The following CATSPERB variants were observed in gnomAD, a reference collection of about 807,000 sequenced individuals.
CATSPERB encodes the protein catsper channel auxiliary subunit beta.
A neutral mutation model predicts 128.3 loss-of-function variants in CATSPERB; 93 were observed. The observed-to-expected ratio is 0.72, with a 90% CI of 0.61 to 0.86. CATSPERB has a LOEUF of 0.86. CATSPERB is among the 40% of genes least tolerant of loss of function. The pLI is 0.00. For synonymous variants in CATSPERB, 381 were observed against 448.8 expected (o/e 0.85, Z 1.91); for missense variants, 1,153 against 1,329.5 (o/e 0.87, Z 2.06).
chr14:91,593,731 T>C (rs1258866640), intron 22 of CATSPERB, among the ~76,000 whole-genome samples: 2 of 152,160 alleles, frequency 1.3e-5, no homozygotes, highest in East Asian at 3.8e-4. Context: ...GTTAAGACTT[T>C]AGGGAAGTGT....
intron 18 of CATSPERB, 53 bp downstream of exon 18, chr14:91,624,767 T>C: frequency 1.1e-5 from 15 of 1,343,338 alleles, no homozygotes; most frequent in Non-Finnish European, 1.5e-5. Context: ...TCACAAAAGA[T>C]AATTTTTCAT....
chr14:91,611,430 T>G (rs891916063), intron 20 of CATSPERB, among the ~76,000 whole-genome samples: 1 of 152,082 alleles, frequency 6.6e-6, no homozygotes, highest in African/African-American at 2.4e-5. Flanking sequence ...GCCAACATGG[T>G]GAAACCCCAC....
chr14:91,593,307 G>C (rs903297628), intron 22 of CATSPERB, among the ~76,000 whole-genome samples: 9 of 152,318 alleles, frequency 5.9e-5, no homozygotes, highest in Admixed American at 1.3e-4. Flanking sequence ...CCCCAGAATG[G>C]TAAATCCACT....
At chr14:91,729,579 A>G (rs1896179904) in intron 1 of CATSPERB, 100 bp from the exon 2 acceptor site, 4 of 556,684 alleles carry the variant, frequency 7.2e-6, no homozygotes, top group Non-Finnish European at 1.2e-5. Context: ...AATAATCTCA[A>G]TATTCTTAAT....
At position 91,719,447 on chromosome 14, in the gene CATSPERB, A is replaced by G; in HGVS notation, c.341T>C (p.Ile114Thr). Residue 114 changes from isoleucine to threonine, a missense_variant, in exon 5 of 27, where the codon ATT (isoleucine) becomes ACT (threonine). Physicochemically the swap from Ile to Thr is moderately conservative, Grantham distance 89 (BLOSUM62 -1). Coordinates refer to ENST00000256343, the MANE Select transcript of CATSPERB (RefSeq NM_024764.4). ...FSDRILWLVD[I>T]PRENITQSTD... ...GCTTTGTGTGATGTTTTCTCTAGGAATATCAACCAACCACAAAATCCGATC... is the reference window on the plus strand; with the variant it reads ...GCTTTGTGTGATGTTTTCTCTAGGAGTATCAACCAACCACAAAATCCGATC... 6.2e-7 allele frequency: 1 copy of G among 1,612,190 alleles called. No individual in the cohort carries two copies. Among genetic ancestry groups the G allele is most frequent in the Non-Finnish European group, 8.5e-7 (1 of 1,179,042 alleles).
Position 91,723,166 on chromosome 14 carries a change from A to T in CATSPERB, c.192T>A (p.Thr64=), listed in dbSNP as rs763001049. 5 of 1,497,256 alleles carry T rather than the reference A, an allele frequency of 3.3e-6. No homozygotes were observed. The East Asian group carries it at 1.2e-4, about 37-fold the overall frequency. 92.7% of individuals were successfully genotyped at this position (1,497,256 alleles called of 1,614,324 possible). A position where few individuals can be genotyped will look rare whatever the true frequency, so the allele number is the denominator to read the frequency against. The change falls in exon 4 of 27, where the codon ACT becomes ACA. Residue 64 remains threonine (T), a synonymous_variant. Transcript: ENST00000256343. ...TTGCTTTTGATGCAATTTCATTTTCAGTTTGGAAGAAACACTGGATTTTCT... is the reference window on the plus strand; with the variant it reads ...TTGCTTTTGATGCAATTTCATTTTCTGTTTGGAAGAAACACTGGATTTTCT... ...ENLKIQCFFQ[T]ENEIASKAML...
intron 24 of CATSPERB, 131 bp from the exon 25 acceptor site, chr14:91,588,209 T>C (rs1893337492): frequency 4.8e-6 from 3 of 625,208 alleles, no homozygotes; most frequent in Admixed American, 5.8e-5. Context: ...ATTACTAATA[T>C]AAAATTTGTC....
chr14:91,610,477 TACCGG>T lies in CATSPERB; in HGVS notation c.2596_2598+2del. 1.3e-5 allele frequency: 21 copies of T among 1,608,202 alleles called. No homozygotes were observed. In the Admixed American group the frequency reaches 1.4e-4, roughly 10 times the overall value. The stretch of plus-strand genomic sequence containing the variant: ...ACCAATATACTTAGATTTTTTTTTT[TACCGG>T]CAAAGTTTTGATGAGGTTAAAACCC... On this transcript the variant is annotated splice_donor_variant and coding_sequence_variant, in exon 21 of 27. Transcript: ENST00000256343. LOFTEE classifies it high-confidence loss of function.
At chr14:91,623,253 A>G (rs750223995) in intron 18 of CATSPERB, among the ~76,000 whole-genome samples, 5 of 152,126 alleles carry the variant, frequency 3.3e-5, no homozygotes. Context: ...TTATCTTACC[A>G]GACCTATTGG....
At chr14:91,715,273 C>T (rs1183715261) in intron 5 of CATSPERB, 1 of 151,950 alleles carries the variant, frequency 6.6e-6, no homozygotes, top group East Asian at 1.9e-4. Context: ...AAGATATTGA[C>T]TCTCCCAGCA....
chr14:91,611,939 C>T (rs936985121), intron 20 of CATSPERB, among the ~76,000 whole-genome samples: 2 of 152,176 alleles, frequency 1.3e-5, no homozygotes, highest in African/African-American at 2.4e-5. Flanking sequence ...ATCGTTGAGG[C>T]TTCCCCATTC....
Position 91,588,016 on chromosome 14 carries a change from C to T in CATSPERB, c.3019G>A (p.Ala1007Thr). The T allele has an allele frequency of 2.5e-6, 4 of 1,612,350 alleles. No individual in the cohort carries two copies. Among genetic ancestry groups the T allele is most frequent in the Non-Finnish European group, 3.4e-6 (4 of 1,178,738 alleles). The change falls in exon 25 of 27, where the codon GCA (alanine) becomes ACA (threonine). Residue 1007 changes from alanine (A) to threonine (T), a missense_variant. Ala to Thr is a moderately conservative substitution (Grantham distance 58). Transcript: ENST00000256343. ...TTGAGACCTGAAGGATTATACACTG[C>T]AGCACCAAGAATTGGTTCTACTAAT... ...KQLVEPILGAAVYNPSGLNLS... is the reference protein window; with the variant it reads ...KQLVEPILGATVYNPSGLNLS...
chr14:91,639,880 G>T (rs1894460210), intron 15 of CATSPERB, among the ~76,000 whole-genome samples: 1 of 135,542 alleles, frequency 7.4e-6, no homozygotes, highest in Admixed American at 7.4e-5. Context: ...AACCCACCCA[G>T]TTAGCTCAGG....
Position 91,707,996 on chromosome 14 carries a change from G to A in CATSPERB, c.466+145C>T, listed in dbSNP as rs1293413782. ...AATTCTTTATCCTATCAGATTGTGA[G>A]TGCCTCAAGGGTCATGATTATCTCC... On this transcript the variant is annotated intron_variant, in intron 6 of 26. Transcript: ENST00000256343. 3.9e-5 allele frequency: 25 copies of A among 633,276 alleles called. No homozygotes were observed. In the Middle Eastern group the frequency reaches 1.4e-3, roughly 35 times the overall value. 39.2% of individuals were successfully genotyped at this position (633,276 alleles called of 1,614,324 possible).
At chr14:91,668,057 C>G (rs904801508) in intron 14 of CATSPERB, among the ~76,000 whole-genome samples, 1 of 152,170 alleles carries the variant, frequency 6.6e-6, no homozygotes, top group Admixed American at 6.5e-5. Context: ...TAAAGAGTTC[C>G]CCTCTGGAGG....
chr14:91,687,730 A>T (rs567251552), intron 10 of CATSPERB, among the ~76,000 whole-genome samples: 1 of 152,184 alleles, frequency 6.6e-6, no homozygotes, highest in East Asian at 1.9e-4. Context: ...CAAGGTGGGT[A>T]GATCACTTGA....
At chr14:91,658,999 G>C (rs1219589815) in intron 15 of CATSPERB, among the ~76,000 whole-genome samples, 1 of 151,958 alleles carries the variant, frequency 6.6e-6, no homozygotes, top group African/African-American at 2.4e-5. Flanking sequence ...AGTTGGAAAG[G>C]AGTGGGCAAC....
At chr14:91,623,446 T>G (rs1364277662) in intron 18 of CATSPERB, among the ~76,000 whole-genome samples, 2 of 152,172 alleles carry the variant, frequency 1.3e-5, no homozygotes, top group East Asian at 3.8e-4. Flanking sequence ...ATAACACCAC[T>G]CATTTTCCAG....
chr14:91,701,156 A>C (rs1172418187), intron 7 of CATSPERB, among the ~76,000 whole-genome samples: 1 of 152,184 alleles, frequency 6.6e-6, no homozygotes, highest in East Asian at 1.9e-4. Context: ...CCCAGAGATT[A>C]AACTTGTAAA....
Sources: allele counts gnomAD v4.1 joint callset (sites outside exome capture counted in the v4.1 genomes callset), GRCh38; gene constraint gnomAD v4.1.1; transcripts MANE v1.5; gene names NCBI Gene and HGNC (gene_info 2026-07-23, HGNC 2026-07-21).